Variants in CPED1 observed in about 807,000 individuals in gnomAD.
The protein encoded by CPED1 is cadherin like and PC-esterase domain containing 1, also known as cadherin-like and PC-esterase domain-containing protein 1.
In CPED1, 114 loss-of-function variants were observed where a neutral mutation model predicts 128.2. The ratio of observed to expected loss-of-function variants is 0.89; its 90% CI spans 0.76 to 1.04. CPED1 has a LOEUF of 1.04. Among genes scored for constraint, CPED1 ranks in the 50% least tolerant of loss-of-function variants. CPED1 has a pLI of 0.00. For synonymous variants in CPED1, 462 were observed against 426.7 expected (o/e 1.08, Z -1.02); for missense variants, 1,211 against 1,207.1 (o/e 1.00, Z -0.05).
intron 22 of CPED1, among the ~76,000 whole-genome samples, chr7:121,274,406 T>C (rs530152058): frequency 1.5e-4 from 23 of 151,626 alleles, no homozygotes; most frequent in African/African-American, 5.1e-4. Flanking sequence ...TGGTGTGTAA[T>C]TATCACACAT....
In CPED1 at chr7:121,047,712, CTTCTTTTT is replaced by C. The variant is rs1563005054; in HGVS notation, c.540+722_540+729del. On this transcript the variant is annotated intron_variant, in intron 4 of 22. Coordinates refer to ENST00000310396, the MANE Select transcript of CPED1 (RefSeq NM_024913.5). Reference sequence around the variant, plus strand: ...TCTTCTTCTTCTTCTTCTTCTTCTTCTTCTTTTTTTTTTTTTGAGACGTAATCTTGCTC... The same window carrying C: ...TCTTCTTCTTCTTCTTCTTCTTCTTCTTTTTTTTGAGACGTAATCTTGCTC... Among the ~76,000 whole-genome samples the C allele has an allele frequency of 3.5e-4, 21 of 60,156 alleles. 1 individual carries two copies. Among genetic ancestry groups the C allele is most frequent in the African/African-American group, 1.3e-3 (20 of 14,886 alleles). The allele number at this position is 60,156 out of a possible 152,430, so 39.5% of individuals were successfully genotyped here. A position where few individuals can be genotyped will look rare whatever the true frequency, so the allele number is the denominator to read the frequency against.
At chr7:121,116,975 TATACAC>T (rs1347281234) in intron 7 of CPED1, among the ~76,000 whole-genome samples, 8 of 144,840 alleles carry the variant, frequency 5.5e-5, no homozygotes, top group African/African-American at 2.0e-4. Context: ...TATATATATA[TATACAC>T]ACACACACAC....
rs529332279 is a variant in CPED1 at position 121,155,249 on chromosome 7, T to C, written c.2055+13108T>C. ...TGGAAAGATGTTCCATGCTCATGGA[T>C]TGGAAGAATTAATATTGTTAAAATG... On this transcript the variant is annotated intron_variant, in intron 16 of 22. Coordinates refer to ENST00000310396, the MANE Select transcript of CPED1 (RefSeq NM_024913.5). Among the ~76,000 whole-genome samples, 3 of 152,356 alleles carry C rather than the reference T, an allele frequency of 2.0e-5. No homozygotes were observed. The South Asian group carries it at 6.2e-4, about 32-fold the overall frequency.
rs747614905 is a variant in CPED1, at chr7:121,097,832, G to A, written c.749+1G>A. The A allele has an allele frequency of 6.2e-7, 1 of 1,613,534 alleles. No individual in the cohort carries two copies. Among genetic ancestry groups the A allele is most frequent in the Non-Finnish European group, 8.5e-7 (1 of 1,179,604 alleles). ...CAGGGGACTGGAGTCGTGAACAGCT[G>A]TAAGCTAATCATTTTGAATTGTTAT... On this transcript the variant is annotated splice_donor_variant, in intron 6 of 22. Coordinates refer to ENST00000310396, the MANE Select transcript of CPED1 (RefSeq NM_024913.5). LOFTEE classifies it high-confidence loss of function.
In CPED1 at chr7:121,195,298, A is replaced by T. The variant is rs535618301; in HGVS notation, c.2056-41416A>T. ...GCTTGATTTTGAAGAAACATAAGAT[A>T]GTTTTAAAATATTTTTGCTTTATTC... On this transcript the variant is annotated intron_variant, in intron 16 of 22. Transcript: ENST00000310396. Among the ~76,000 whole-genome samples, 15 of 152,252 alleles carry T rather than the reference A, an allele frequency of 9.9e-5. No homozygotes were observed. The East Asian group carries it at 2.5e-3, about 26-fold the overall frequency.
Position 121,167,805 on chromosome 7 carries a change from C to T in CPED1, c.2055+25664C>T, listed in dbSNP as rs1346764620. On this transcript the variant is annotated intron_variant, in intron 16 of 22. Coordinates refer to ENST00000310396, the MANE Select transcript of CPED1 (RefSeq NM_024913.5). The stretch of plus-strand genomic sequence containing the variant: ...GGAGTGCAGTGGAGCGATCTCGGCC[C>T]ACTGCAAGCTCTGCCTCCCGGGTTC... 4.8e-5 allele frequency among the ~76,000 whole-genome samples: 7 copies of T among 147,222 alleles called. No individual in the cohort carries two copies. In the Admixed American group the frequency reaches 4.8e-4, roughly 10 times the overall value.
chr7:120,998,019 C>A (rs1383359748), intron 2 of CPED1, among the ~76,000 whole-genome samples: 1 of 151,094 alleles, frequency 6.6e-6, no homozygotes, highest in Non-Finnish European at 1.5e-5. Context: ...GACAGAGACA[C>A]ACAGGGAGAA....
At chr7:121,148,508 C>A (rs1401633531) in intron 16 of CPED1, among the ~76,000 whole-genome samples, 1 of 152,100 alleles carries the variant, frequency 6.6e-6, no homozygotes, top group Non-Finnish European at 1.5e-5. Context: ...ATCTTGTCAA[C>A]CCTTTCTATG....
At chr7:121,048,030 G>T (rs774902656) in intron 4 of CPED1, among the ~76,000 whole-genome samples, 2 of 151,984 alleles carry the variant, frequency 1.3e-5, no homozygotes, top group Non-Finnish European at 2.9e-5. Flanking sequence ...CTGAGCACAC[G>T]CTTTTGTGAC....
At chr7:121,238,647 T>C (rs1445375892) in intron 17 of CPED1, among the ~76,000 whole-genome samples, 1 of 152,022 alleles carries the variant, frequency 6.6e-6, no homozygotes, top group African/African-American at 2.4e-5. Flanking sequence ...GGGCCATTCA[T>C]AGGGTGAAGC....
At chr7:121,162,865 T>G (rs1464912801) in intron 16 of CPED1, among the ~76,000 whole-genome samples, 1 of 152,244 alleles carries the variant, frequency 6.6e-6, no homozygotes, top group African/African-American at 2.4e-5. Context: ...TAAATATCAT[T>G]ATCACTGATT....
At chr7:121,044,650 C>CTTTTTTCTTTTTTTGTTTTTTTTTTTT (rs1793146171) in intron 3 of CPED1, among the ~76,000 whole-genome samples, 1 of 106,038 alleles carries the variant, frequency 9.4e-6, no homozygotes, top group Non-Finnish European at 1.8e-5. Flanking sequence ...ACTTTCTGCT[C>CTTTTTTCTTTTTTTGTTTTTTTTTTTT]TTTTTTTTTT....
chr7:121,140,349 C>T (rs1795873347), intron 14 of CPED1, among the ~76,000 whole-genome samples: 1 of 151,914 alleles, frequency 6.6e-6, no homozygotes, highest in Non-Finnish European at 1.5e-5. Context: ...GTCTTTGCCC[C>T]ACACTGCCTA....
At chr7:121,277,651 C>T (rs969322155) in intron 22 of CPED1, among the ~76,000 whole-genome samples, 4 of 152,100 alleles carry the variant, frequency 2.6e-5, no homozygotes, top group South Asian at 2.1e-4. Flanking sequence ...TCCTCTGAGA[C>T]GGCTTTGCCT....
intron 3 of CPED1, among the ~76,000 whole-genome samples, chr7:121,024,717 G>T (rs1470596695): frequency 5.3e-5 from 8 of 152,056 alleles, no homozygotes; most frequent in African/African-American, 1.2e-4. Flanking sequence ...ACTATTTTTT[G>T]AAAAGAAATT....
chr7:121,212,226 A>T (rs1797661789), intron 16 of CPED1, among the ~76,000 whole-genome samples: 1 of 151,996 alleles, frequency 6.6e-6, no homozygotes, highest in Non-Finnish European at 1.5e-5. Context: ...AACTAGACAA[A>T]ACCCATCGTC....
At chr7:121,079,962 T>G (rs73215349) in intron 5 of CPED1, among the ~76,000 whole-genome samples, 14,977 of 152,180 alleles carry the variant, frequency 0.098, 814 homozygotes, top group Middle Eastern at 0.16. Flanking sequence ...AGACCAAAAC[T>G]GAAGAAGTGA....
intron 16 of CPED1, among the ~76,000 whole-genome samples, chr7:121,160,621 G>A (rs1259516937): frequency 6.6e-6 from 1 of 152,152 alleles, no homozygotes; most frequent in Non-Finnish European, 1.5e-5. Flanking sequence ...TGCCAGAAAG[G>A]GAGAAAGAGA....
In CPED1 at chr7:121,269,288, C is replaced by T. The variant is rs555238427; in HGVS notation, c.2721+1986C>T. On this transcript the variant is annotated intron_variant, in intron 21 of 22. Coordinates refer to ENST00000310396, the MANE Select transcript of CPED1 (RefSeq NM_024913.5). ...TTCTGTTCCTGCATTATTTAGCTAA[C>T]GGAAGGCTCCAGGTGCATCCATGTT... Among the ~76,000 whole-genome samples, 243 of 152,110 alleles carry T rather than the reference C, an allele frequency of 1.6e-3. 1 individual carries two copies. Among genetic ancestry groups the T allele is most frequent in the African/African-American group, 5.5e-3 (227 of 41,542 alleles).
Sources: allele counts gnomAD v4.1 joint callset (sites outside exome capture counted in the v4.1 genomes callset), GRCh38; gene constraint gnomAD v4.1.1; transcripts MANE v1.5; gene names NCBI Gene and HGNC (gene_info 2026-07-23, HGNC 2026-07-21).